Variants in IMPG1 observed in about 807,000 individuals in gnomAD.
The protein encoded by IMPG1 is interphotoreceptor matrix proteoglycan 1, also known as interphotoreceptor matrix proteoglycan of 150 kDa.
In IMPG1, 85 loss-of-function variants were observed where a neutral mutation model predicts 92.0. The observed-to-expected ratio is 0.92, with a 90% CI of 0.78 to 1.11. The LOEUF is 1.11. IMPG1 is among the 50% of genes least tolerant of loss of function. The pLI is 0.00. For synonymous variants in IMPG1, 367 were observed against 334.1 expected (o/e 1.10, Z -1.08); for missense variants, 1,022 against 956.0 (o/e 1.07, Z -0.91).
chr6:75,980,060 A>C (rs1782602780), intron 12 of IMPG1, among the ~76,000 whole-genome samples: 1 of 152,226 alleles, frequency 6.6e-6, no homozygotes, highest in African/African-American at 2.4e-5. Flanking sequence ...AGGTCTGATC[A>C]ACTATGCCTA....
rs117907091 is a variant in IMPG1, at chr6:76,038,106, A to G, written c.302-3319T>C. 1.8e-4 allele frequency among the ~76,000 whole-genome samples: 27 copies of G among 152,274 alleles called. No individual in the cohort carries two copies. In the East Asian group the frequency reaches 5.2e-3, roughly 29 times the overall value. ...CTATGTAGCCTGAGGATGCATCATC[A>G]GTTATGCAGAGATTTCTGCAGGCAG... On this transcript the variant is annotated intron_variant, in intron 2 of 16. Transcript: ENST00000369950.
At chr6:76,030,881 A>T (rs1369310764) in intron 4 of IMPG1, among the ~76,000 whole-genome samples, 1 of 152,118 alleles carries the variant, frequency 6.6e-6, no homozygotes, top group Non-Finnish European at 1.5e-5. Flanking sequence ...GAAAAACTCC[A>T]TCCAGCCTGT....
chr6:76,003,670 A>C (rs1479586910), intron 11 of IMPG1, among the ~76,000 whole-genome samples: 1 of 152,226 alleles, frequency 6.6e-6, no homozygotes, highest in African/African-American at 2.4e-5. Context: ...ACTTTGAGAT[A>C]TTTAAAATGC....
chr6:76,051,789 C>T (rs897506878), intron 1 of IMPG1, among the ~76,000 whole-genome samples: 2 of 152,116 alleles, frequency 1.3e-5, no homozygotes, highest in South Asian at 2.1e-4. Context: ...AGTCTCTTAT[C>T]TCAAATAATT....
chr6:75,924,713 A>AATTATATGATATATCATATAATT (rs1409806786), intron 15 of IMPG1, among the ~76,000 whole-genome samples: 1,431 of 9,444 alleles, frequency 0.15, 484 homozygotes, highest in Middle Eastern at 0.75. Context: ...TATAATATAT[A>AATTATATGATATATCATATAATT]ATATATAATA....
intron 14 of IMPG1, chr6:75,934,807 G>A (rs187379281): frequency 1.3e-5 from 4 of 309,146 alleles, no homozygotes; most frequent in South Asian, 5.8e-5. Flanking sequence ...TTCCCGTCCC[G>A]CCCCTCAACC....
intron 12 of IMPG1, among the ~76,000 whole-genome samples, chr6:75,973,708 A>G (rs985441227): frequency 6.6e-6 from 1 of 152,190 alleles, no homozygotes; most frequent in Non-Finnish European, 1.5e-5. Flanking sequence ...TCACTACACT[A>G]CTGAGGCTAG....
intron 1 of IMPG1, among the ~76,000 whole-genome samples, chr6:76,050,995 G>A (rs757082282): frequency 1.3e-5 from 2 of 152,014 alleles, no homozygotes. Flanking sequence ...AAATTAGCAC[G>A]ACCAGAGACA....
At chr6:76,065,539 A>C (rs1784295251) in intron 1 of IMPG1, among the ~76,000 whole-genome samples, 1 of 152,104 alleles carries the variant, frequency 6.6e-6, no homozygotes, top group Non-Finnish European at 1.5e-5. Context: ...GACAAGAATA[A>C]AAAAATTTTA....
At chr6:76,014,372 T>C (rs1037045459) in intron 7 of IMPG1, among the ~76,000 whole-genome samples, 4 of 152,128 alleles carry the variant, frequency 2.6e-5, no homozygotes, top group African/African-American at 9.7e-5. Context: ...AGGGTCCCTG[T>C]AGAGGTCAGG....
In IMPG1 at chr6:75,931,045, G is replaced by A. The variant is rs770466663; in HGVS notation, c.2151C>T (p.Asp717=). The A allele has an allele frequency of 1.2e-6, 2 of 1,614,186 alleles. No homozygotes were observed. The highest frequency in any genetic ancestry group is 1.3e-5 in the African/African-American group (1 of 75,046). ...EAECRCKPGY[D]SQGSLDGLEP... Reference sequence around the variant, plus strand: ...CCAGACCGTCCAGGCTCCCCTGGCTGTCATATCCTGGTTTGCAGCGACACT... The same window carrying A: ...CCAGACCGTCCAGGCTCCCCTGGCTATCATATCCTGGTTTGCAGCGACACT... Residue 717 remains aspartate, a synonymous_variant, in exon 15 of 17, where the codon GAC becomes GAT. Transcript: ENST00000369950.
rs144759104 is a variant in IMPG1, at chr6:76,040,412, T to A, written c.301+1481A>T. ...GATGCAAATACTGTATGTACGTCCA[T>A]CCCTGAGCAAACGATATGGAATTTA... On this transcript the variant is annotated intron_variant, in intron 2 of 16. Transcript: ENST00000369950. Among the ~76,000 whole-genome samples, 8 of 152,320 alleles carry A rather than the reference T, an allele frequency of 5.3e-5. No individual in the cohort carries two copies. In the East Asian group the frequency reaches 7.7e-4, roughly 15 times the overall value.
chr6:76,054,675 C>G (rs149989714), intron 1 of IMPG1, among the ~76,000 whole-genome samples: 1 of 152,224 alleles, frequency 6.6e-6, no homozygotes, highest in East Asian at 1.9e-4. Flanking sequence ...TTTGTCTCAT[C>G]TGCTGCTTTC....
intron 12 of IMPG1, among the ~76,000 whole-genome samples, chr6:75,966,270 A>G (rs1363989141): frequency 6.6e-6 from 1 of 152,244 alleles, no homozygotes; most frequent in Non-Finnish European, 1.5e-5. Flanking sequence ...TTATTAAAAA[A>G]CATTATTAAA....
intron 13 of IMPG1, among the ~76,000 whole-genome samples, chr6:75,950,000 G>C (rs965409906): frequency 5.3e-5 from 8 of 152,036 alleles, no homozygotes; most frequent in African/African-American, 1.9e-4. Flanking sequence ...CAAAATAAAC[G>C]TGAGTTTGGG....
In IMPG1 at chr6:76,005,476, T is replaced by G. The variant is rs757251982; in HGVS notation, c.946A>C (p.Lys316Gln). The change falls in exon 10 of 17, where the codon AAA becomes CAA. Residue 316 changes from lysine to glutamine, a missense_variant. Lys to Gln is a moderately conservative substitution (Grantham distance 53). Around this residue, in one of 3 missense-constraint regions of IMPG1, gnomAD observed 681 missense variants for 583.6 expected, o/e 1.17. Transcript: ENST00000369950. ...AIFKRHSAEAKSPASDLLSFD... is the reference protein window; with the variant it reads ...AIFKRHSAEAQSPASDLLSFD... ...GACAGGAGGTCACTTGCAGGGCTTTTTGCTTCTGCACTGTGTCTCTTAAAG... is the reference window on the plus strand; with the variant it reads ...GACAGGAGGTCACTTGCAGGGCTTTGTGCTTCTGCACTGTGTCTCTTAAAG... The G allele has an allele frequency of 6.2e-7, 1 of 1,613,952 alleles. No individual in the cohort carries two copies. Among genetic ancestry groups the G allele is most frequent in the South Asian group, 1.1e-5 (1 of 91,078 alleles).
chr6:75,986,132 T>C (rs145122061), intron 12 of IMPG1, among the ~76,000 whole-genome samples: 2 of 152,294 alleles, frequency 1.3e-5, no homozygotes, highest in African/African-American at 4.8e-5. Flanking sequence ...TTTTTGGTAC[T>C]TTGGTACTTT....
At chr6:75,985,815 CT>C (rs1782707473) in intron 12 of IMPG1, among the ~76,000 whole-genome samples, 1 of 152,112 alleles carries the variant, frequency 6.6e-6, no homozygotes, top group Non-Finnish European at 1.5e-5. Context: ...TCTATATGCA[CT>C]TATCAAAATA....
intron 12 of IMPG1, among the ~76,000 whole-genome samples, chr6:75,965,606 C>CTT (rs35490140): frequency 0.81 from 90,482 of 112,358 alleles, 37,384 homozygotes; most frequent in Non-Finnish European, 0.86. Flanking sequence ...CATACTTGTT[C>CTT]TTTTTTTTTT....
Sources: allele counts gnomAD v4.1 joint callset (sites outside exome capture counted in the v4.1 genomes callset), GRCh38; gene constraint gnomAD v4.1.1; regional missense constraint gnomAD v4.1.1; transcripts MANE v1.5; gene names NCBI Gene and HGNC (gene_info 2026-07-23, HGNC 2026-07-21).